The following ZCCHC10 variants were observed in gnomAD, a reference collection of about 807,000 sequenced individuals.
ZCCHC10 encodes the protein zinc finger CCHC domain-containing protein 10.
In ZCCHC10, 16 loss-of-function variants were observed where a neutral mutation model predicts 19.5. That is an observed-to-expected ratio of 0.82 (90% CI 0.56 to 1.25). The LOEUF (loss-of-function observed/expected upper bound fraction) is 1.25, where lower values mean the gene tolerates loss of function less well. Among genes scored for constraint, ZCCHC10 ranks in the 50% most tolerant of loss-of-function variants. ZCCHC10 has a pLI of 0.00. For synonymous variants in ZCCHC10, 67 were observed against 72.5 expected, an observed-to-expected ratio of 0.92 and a Z score of 0.38; for missense variants, 197 against 201.0, an observed-to-expected ratio of 0.98 and a Z score of 0.12.
rs879144249 is a variant in ZCCHC10, at chr5:132,998,372, A to T, written c.*211T>A. 58 of 465,430 alleles carry T rather than the reference A, an allele frequency of 1.2e-4. No individual in the cohort carries two copies. The highest frequency in any genetic ancestry group is 2.6e-4 in the South Asian group (9 of 35,060). The allele number at this position is 465,430 out of a possible 1,614,324, so 28.8% of individuals were successfully genotyped here. On this transcript the variant is annotated 3_prime_UTR_variant, in exon 5 of 5. Coordinates refer to ENST00000509437, the MANE Select transcript of ZCCHC10 (RefSeq NM_001300816.3). ...AGTTCTAGAGATATATTTTAAAGAT[A>T]AAAAAAACAAGATTCACCCTTCAAA...
intron 2 of ZCCHC10, among the ~76,000 whole-genome samples, chr5:133,012,078 A>G (rs1266592502): frequency 7.0e-6 from 1 of 143,034 alleles, no homozygotes. Context: ...CAGAGGTTGC[A>G]GTGAACCAAG....
chr5:133,000,063 A>G, intron 4 of ZCCHC10, 69 bp downstream of exon 4: 1 of 1,551,064 alleles, frequency 6.4e-7, no homozygotes, highest in Non-Finnish European at 8.8e-7. Flanking sequence ...ATTGTTTTAA[A>G]ATCACCTTTC....
chr5:133,020,726 T>A (rs11747444), intron 2 of ZCCHC10, among the ~76,000 whole-genome samples: 14 of 146,102 alleles, frequency 9.6e-5, no homozygotes, highest in Admixed American at 4.2e-4. Flanking sequence ...AAACTAAAAA[T>A]TTTTTTTTTT....
chr5:133,007,944 A>G (rs56731083), intron 2 of ZCCHC10, among the ~76,000 whole-genome samples: 47,050 of 151,894 alleles, frequency 0.31, 8,181 homozygotes, highest in African/African-American at 0.48. Context: ...TCGGAAAATC[A>G]GCCAGGTGTG....
chr5:132,998,297 A>G lies in ZCCHC10; in HGVS notation c.*286T>C, dbSNP rs1410371458. 2.7e-5 allele frequency: 8 copies of G among 296,016 alleles called. No homozygotes were observed. Among genetic ancestry groups the G allele is most frequent in the African/African-American group, 4.3e-5 (2 of 46,044 alleles). 18.3% of individuals were successfully genotyped at this position (296,016 alleles called of 1,614,324 possible). A position where few individuals can be genotyped will look rare whatever the true frequency, so the allele number is the denominator to read the frequency against. ...ACAAAGTATGGCATTTATTTCACAG[A>G]GAGAAAAGATAGTTTCATCACACAA... On this transcript the variant is annotated 3_prime_UTR_variant, in exon 5 of 5. Coordinates refer to ENST00000509437, the MANE Select transcript of ZCCHC10 (RefSeq NM_001300816.3).
Position 133,010,382 on chromosome 5 carries a change from A to G in ZCCHC10, c.108-3462T>C, listed in dbSNP as rs187138716. Among the ~76,000 whole-genome samples, 200 of 152,164 alleles carry G rather than the reference A, an allele frequency of 1.3e-3. 1 individual carries two copies. Among genetic ancestry groups the G allele is most frequent in the African/African-American group, 4.7e-3 (195 of 41,530 alleles). On this transcript the variant is annotated intron_variant, in intron 2 of 4. Coordinates refer to ENST00000509437, the MANE Select transcript of ZCCHC10 (RefSeq NM_001300816.3). ...CAAATTTTTCTGTAAAGGGTCAGGT[A>G]GTAAATATTATAGGCTTTGTGGAAC...
In ZCCHC10 at chr5:132,998,860, A is replaced by C; in HGVS notation, c.312-10T>G. 6.2e-7 allele frequency: 1 copy of C among 1,612,738 alleles called. No individual in the cohort carries two copies. Among genetic ancestry groups the C allele is most frequent in the African/African-American group, 1.3e-5 (1 of 74,968 alleles). On this transcript the variant is annotated splice_polypyrimidine_tract_variant and intron_variant, in intron 4 of 4. Coordinates refer to ENST00000509437, the MANE Select transcript of ZCCHC10 (RefSeq NM_001300816.3). The stretch of plus-strand genomic sequence containing the variant: ...GGTTACACTCTTAGACCTATTAGAC[A>C]ATACAGAGTTATATACATGGGAAGG...
chr5:133,019,962 AAAAAG>A (rs1764192786), intron 2 of ZCCHC10, among the ~76,000 whole-genome samples: 2 of 151,830 alleles, frequency 1.3e-5, no homozygotes, highest in African/African-American at 2.4e-5. Context: ...AAAAAAAAAA[AAAAAG>A]AAAAGTACAT....
At chr5:133,026,373 G>A in intron 1 of ZCCHC10, 124 bp downstream of exon 1, 2 of 1,374,786 alleles carry the variant, frequency 1.5e-6, no homozygotes, top group African/African-American at 1.4e-5. Context: ...CCCCCCGGGA[G>A]CCAGAAGAGT....
At chr5:133,018,897 T>C (rs1449424862) in intron 2 of ZCCHC10, 1 of 334,090 alleles carries the variant, frequency 3.0e-6, no homozygotes, top group Non-Finnish European at 5.8e-6. Context: ...CCTTTCACGA[T>C]TTTCCCTAAA....
Position 133,000,016 on chromosome 5 carries a change from G to A in ZCCHC10, c.311+116C>T, listed in dbSNP as rs1762658984. On this transcript the variant is annotated intron_variant, in intron 4 of 4. Coordinates refer to ENST00000509437, the MANE Select transcript of ZCCHC10 (RefSeq NM_001300816.3). Reference sequence around the variant, plus strand: ...ACCCACCTTGGCCTCCCAAAGTGCTGGGATTATAGGCATGAGCCACTGCAT... The same window carrying A: ...ACCCACCTTGGCCTCCCAAAGTGCTAGGATTATAGGCATGAGCCACTGCAT... The A allele has an allele frequency of 5.9e-6, 7 of 1,188,262 alleles. No homozygotes were observed. In the South Asian group the frequency reaches 8.8e-5, roughly 15 times the overall value. 73.6% of individuals were successfully genotyped at this position (1,188,262 alleles called of 1,614,324 possible). A position where few individuals can be genotyped will look rare whatever the true frequency, so the allele number is the denominator to read the frequency against.
intron 3 of ZCCHC10, among the ~76,000 whole-genome samples, chr5:133,005,536 C>G (rs931732578): frequency 2.6e-4 from 40 of 152,242 alleles, no homozygotes; most frequent in African/African-American, 9.6e-4. Context: ...ATTACTTGAA[C>G]CCAGGAGGTG....
chr5:133,016,734 C>T (rs1325723774), intron 2 of ZCCHC10, among the ~76,000 whole-genome samples: 1 of 152,120 alleles, frequency 6.6e-6, no homozygotes, highest in Non-Finnish European at 1.5e-5. Context: ...TGACCCACCG[C>T]GCACAGCTAT....
rs763699856 is a variant in ZCCHC10 at position 133,000,178 on chromosome 5, T to C, written c.270-5A>G. 2 of 1,613,940 alleles carry C rather than the reference T, an allele frequency of 1.2e-6. No individual in the cohort carries two copies. Among genetic ancestry groups the C allele is most frequent in the Non-Finnish European group, 1.7e-6 (2 of 1,179,968 alleles). ...TCTACATTGGTTTCTCCAATGCTGA[T>C]AAACACGAGGGGGAAAAAAGCTCCT... On this transcript the variant is annotated splice_region_variant and splice_polypyrimidine_tract_variant and intron_variant, in intron 3 of 4. Transcript: ENST00000509437.
At chr5:133,005,444 C>T (rs1221829859) in intron 3 of ZCCHC10, among the ~76,000 whole-genome samples, 1 of 152,084 alleles carries the variant, frequency 6.6e-6, no homozygotes, top group Admixed American at 6.6e-5. Flanking sequence ...AAAATCCCAT[C>T]TCTACCAAAA....
chr5:133,025,641 G>GT lies in ZCCHC10; in HGVS notation c.41+855dup, dbSNP rs574572901. ...TGGCTATCTTTCAGTTCTGTAAAAA[G>GT]TAAGTTTCAGGCTCAAAGCAATTAT... On this transcript the variant is annotated intron_variant, in intron 1 of 4. Transcript: ENST00000509437. Among the ~76,000 whole-genome samples the GT allele has an allele frequency of 2.9e-4, 44 of 150,972 alleles. 1 individual carries two copies. The highest frequency in any genetic ancestry group is 1.0e-3 in the African/African-American group (43 of 41,266).
intron 2 of ZCCHC10, among the ~76,000 whole-genome samples, chr5:133,013,431 G>A (rs570780249): frequency 3.1e-4 from 47 of 152,032 alleles, no homozygotes; most frequent in South Asian, 2.5e-3. Context: ...GCAAAGATAT[G>A]TAGCAAAAGA....
chr5:133,022,881 T>C lies in ZCCHC10; in HGVS notation c.67A>G (p.Lys23Glu). The C allele has an allele frequency of 1.6e-6, 1 of 616,958 alleles. No individual in the cohort carries two copies. Among genetic ancestry groups the C allele is most frequent in the East Asian group, 3.1e-5 (1 of 32,362 alleles). 38.2% of individuals were successfully genotyped at this position (616,958 alleles called of 1,614,324 possible). Residue 23 changes from lysine to glutamate, a missense_variant, in exon 2 of 5, where the codon AAG becomes GAG. Physicochemically the swap from Lys to Glu is moderately conservative, Grantham distance 56. Transcript: ENST00000509437. ...QAFDTELQPV[K>E]TFWILIQPSI... is the part of the protein sequence containing the mutation. ...GGCTGAATCAGGATCCAAAAGGTCT[T>C]GACAGGCTGCAACTCTGTGTCGAAT...
intron 2 of ZCCHC10, among the ~76,000 whole-genome samples, chr5:133,016,944 C>A (rs1012764160): frequency 6.6e-6 from 1 of 152,024 alleles, no homozygotes; most frequent in African/African-American, 2.4e-5. Flanking sequence ...AGGCCCCCCC[C>A]AGACACATTT....
Sources: allele counts gnomAD v4.1 joint callset (sites outside exome capture counted in the v4.1 genomes callset), GRCh38; gene constraint gnomAD v4.1.1; transcripts MANE v1.5; gene names NCBI Gene and HGNC (gene_info 2026-07-23, HGNC 2026-07-21).